The following BLM variants were observed in gnomAD, a reference collection of about 807,000 sequenced individuals.
The protein encoded by BLM is BLM RecQ like helicase.
BLM carries 95 observed loss-of-function variants against 135.3 expected under a neutral mutation model. That is an observed-to-expected ratio of 0.70 (90% CI 0.59 to 0.83). The LOEUF (loss-of-function observed/expected upper bound fraction) is 0.83, where lower values mean the gene tolerates loss of function less well. BLM is among the 40% of genes least tolerant of loss of function. The pLI, the probability that BLM is intolerant of heterozygous loss-of-function variation, is 0.00. For synonymous variants in BLM, 520 were observed against 589.2 expected (o/e 0.88, Z 1.70); for missense variants, 1,518 against 1,663.9 (o/e 0.91, Z 1.53).
intron 12 of BLM, among the ~76,000 whole-genome samples, chr15:90,771,122 A>T (rs1459053221): frequency 6.6e-6 from 1 of 152,222 alleles, no homozygotes; most frequent in Non-Finnish European, 1.5e-5. Context: ...CTTGCAGAGG[A>T]GTATTTGTAT....
intron 12 of BLM, among the ~76,000 whole-genome samples, chr15:90,770,635 T>C (rs1680224459): frequency 1.3e-5 from 2 of 152,256 alleles, no homozygotes; most frequent in South Asian, 2.1e-4. Flanking sequence ...GATTTATTAG[T>C]GTGCACTTTA....
In BLM at chr15:90,784,839, A is replaced by G. The variant is rs540234118; in HGVS notation, c.2663-82A>G. On this transcript the variant is annotated intron_variant, in intron 13 of 21. Transcript: ENST00000355112. Reference sequence around the variant, plus strand: ...TACGGGAGATCTATTTATGGTTCATATATTTCTGAAAATGTAGTGTAAATT... The same window carrying G: ...TACGGGAGATCTATTTATGGTTCATGTATTTCTGAAAATGTAGTGTAAATT... 106 of 1,425,598 alleles carry G rather than the reference A, an allele frequency of 7.4e-5. No individual in the cohort carries two copies. The South Asian group carries it at 1.3e-3, about 17-fold the overall frequency. 88.3% of individuals were successfully genotyped at this position (1,425,598 alleles called of 1,614,324 possible). A position where few individuals can be genotyped will look rare whatever the true frequency, so the allele number is the denominator to read the frequency against.
chr15:90,738,506 C>T (rs1289737644), intron 1 of BLM, among the ~76,000 whole-genome samples: 1 of 151,792 alleles, frequency 6.6e-6, no homozygotes, highest in Non-Finnish European at 1.5e-5. Context: ...CCCGGGAGGT[C>T]GAGGCAGCCG....
intron 1 of BLM, among the ~76,000 whole-genome samples, chr15:90,727,135 G>T (rs1323821327): frequency 6.6e-6 from 1 of 152,018 alleles, no homozygotes; most frequent in Non-Finnish European, 1.5e-5. Context: ...TTTCTTAACT[G>T]GGGTAGGATG....
chr15:90,745,585 T>C (rs142790279), intron 1 of BLM, among the ~76,000 whole-genome samples: 2 of 152,148 alleles, frequency 1.3e-5, no homozygotes, highest in African/African-American at 4.8e-5. Flanking sequence ...AATTTTTTTA[T>C]AGTTCTTTAG....
At chr15:90,759,304 G>C (rs1001945720) in intron 5 of BLM, among the ~76,000 whole-genome samples, 2 of 152,020 alleles carry the variant, frequency 1.3e-5, no homozygotes, top group East Asian at 3.9e-4. Flanking sequence ...GCTCACACCT[G>C]TAATCCTAGC....
At chr15:90,724,554 G>A (rs1470442136) in intron 1 of BLM, among the ~76,000 whole-genome samples, 1 of 152,068 alleles carries the variant, frequency 6.6e-6, no homozygotes, top group Non-Finnish European at 1.5e-5. Context: ...AGTCCTCCCT[G>A]TCCACCCGCA....
At chr15:90,790,351 C>T (rs1304343893) in intron 14 of BLM, 1 of 409,892 alleles carries the variant, frequency 2.4e-6, no homozygotes. Context: ...GGCAGCACAT[C>T]GTGGGCTGAC....
rs752969832 is a variant in BLM, at chr15:90,782,826, A to G, written c.2560A>G (p.Ser854Gly). 17 of 1,609,836 alleles carry G rather than the reference A, an allele frequency of 1.1e-5. No homozygotes were observed. The highest frequency in any genetic ancestry group is 1.7e-6 in the Non-Finnish European group (2 of 1,176,210). The change falls in exon 13 of 22, where the codon AGC becomes GGC. Residue 854 changes from serine to glycine, a missense_variant. By Grantham distance (56) the Ser-to-Gly change is moderately conservative. Coordinates refer to ENST00000355112, the MANE Select transcript of BLM (RefSeq NM_000057.4). ...QLKILRPQVF[S>G]MSFNRHNLKY... ...TTATGTTTGGGACTTTTTTAGGTTT[A>G]GCATGAGCTTTAACAGACATAATCT...
rs777842626 is a variant in BLM, at chr15:90,782,860, A to G, written c.2594A>G (p.Tyr865Cys). 1.5e-5 allele frequency: 25 copies of G among 1,613,640 alleles called. No individual in the cohort carries two copies. Among genetic ancestry groups the G allele is most frequent in the East Asian group, 2.2e-5 (1 of 44,870 alleles). Residue 865 changes from tyrosine to cysteine, a missense_variant, in exon 13 of 22, where the codon TAT becomes TGT. By Grantham distance (194) the Tyr-to-Cys change is radical. Transcript: ENST00000355112. ...MSFNRHNLKY[Y>C]VLPKKPKKVA... ...TTTAACAGACATAATCTGAAATACT[A>G]TGTATTACCGAAAAAGCCTAAAAAG...
At position 90,803,637 on chromosome 15, in the gene BLM, T is replaced by C. The variant is rs1443588520; in HGVS notation, c.3475T>C (p.Leu1159=). ...LILDKILDED[L]YINANDQAIA... is the part of the protein sequence containing the mutation. ...ACTTGACAAGATTTTGGATGAAGAC[T>C]TATATATCAATGCCAATGACCAGGC... The change falls in exon 18 of 22, where the codon TTA becomes CTA. Residue 1159 remains leucine, a synonymous_variant. Coordinates refer to ENST00000355112, the MANE Select transcript of BLM (RefSeq NM_000057.4). 1 of 1,614,024 alleles carries C rather than the reference T, an allele frequency of 6.2e-7. No homozygotes were observed. Among genetic ancestry groups the C allele is most frequent in the Non-Finnish European group, 8.5e-7 (1 of 1,180,020 alleles).
intron 15 of BLM, among the ~76,000 whole-genome samples, chr15:90,791,533 C>A (rs957574716): frequency 4.6e-5 from 7 of 152,036 alleles, no homozygotes; most frequent in African/African-American, 1.7e-4. Context: ...TTAAACTAAT[C>A]CCCTCTTACT....
chr15:90,757,423 C>T (rs1420029292), intron 5 of BLM, among the ~76,000 whole-genome samples: 1 of 152,214 alleles, frequency 6.6e-6, no homozygotes, highest in Non-Finnish European at 1.5e-5. Context: ...TTATCTCCCT[C>T]TGAGCCTGTC....
intron 12 of BLM, 141 bp from the exon 13 acceptor site, chr15:90,782,681 C>G: frequency 1.5e-6 from 1 of 658,964 alleles, no homozygotes; most frequent in South Asian, 1.8e-5. Flanking sequence ...CCCTCATGAC[C>G]TAATTATCTC....
At position 90,754,354 on chromosome 15, in the gene BLM, TAAGAG is replaced by T. The variant is rs9282623; in HGVS notation, c.960-453_960-449del. Among the ~76,000 whole-genome samples the T allele has an allele frequency of 6.8e-4, 103 of 152,316 alleles. No homozygotes were observed. The East Asian group carries it at 0.015, about 22-fold the overall frequency. On this transcript the variant is annotated intron_variant, in intron 4 of 21. Transcript: ENST00000355112. ...AACACATGTACATATATTTGCATAA[TAAGAG>T]AAGTCCAGAAAAAGTGCTTTGAAAT...
chr15:90,726,255 G>A (rs1276017441), intron 1 of BLM, among the ~76,000 whole-genome samples: 1 of 152,090 alleles, frequency 6.6e-6, no homozygotes, highest in Non-Finnish European at 1.5e-5. Flanking sequence ...CCATCTAGCT[G>A]TAATTTTATA....
At position 90,766,921 on chromosome 15, in the gene BLM, A is replaced by T. The variant is rs757134420; in HGVS notation, c.2205A>T (p.Thr735=). Residue 735 remains threonine (T), a synonymous_variant, in exon 10 of 22, where the codon ACA becomes ACT. Coordinates refer to ENST00000355112, the MANE Select transcript of BLM (RefSeq NM_000057.4). Reference sequence around the variant, plus strand: ...ACTTTTATACTTAGATTCCAGCTACATATCTGACAGGTGATAAGACTGACT... The same window carrying T: ...ACTTTTATACTTAGATTCCAGCTACTTATCTGACAGGTGATAAGACTGACT... ...QKLTSLDIPA[T]YLTGDKTDSE... 2.5e-6 allele frequency: 4 copies of T among 1,588,398 alleles called. No homozygotes were observed. The South Asian group carries it at 4.5e-5, about 18-fold the overall frequency.
At chr15:90,726,520 G>T (rs966879237) in intron 1 of BLM, among the ~76,000 whole-genome samples, 3 of 151,998 alleles carry the variant, frequency 2.0e-5, no homozygotes, top group Non-Finnish European at 4.4e-5. Flanking sequence ...CACCCACCTC[G>T]GCCTCCCAAA....
chr15:90,776,815 C>T (rs1372628941), intron 12 of BLM, among the ~76,000 whole-genome samples: 1 of 152,122 alleles, frequency 6.6e-6, no homozygotes, highest in Non-Finnish European at 1.5e-5. Flanking sequence ...GCTGGGATTA[C>T]AGGCGTGAGC....
Sources: allele counts gnomAD v4.1 joint callset (sites outside exome capture counted in the v4.1 genomes callset), GRCh38; gene constraint gnomAD v4.1.1; transcripts MANE v1.5; gene names NCBI Gene and HGNC (gene_info 2026-07-23, HGNC 2026-07-21).